NRXN3: variants seen among roughly 807,000 people sequenced by gnomAD.
NRXN3 encodes the protein neurexin 3.
In NRXN3, 32 loss-of-function variants were observed where a neutral mutation model predicts 137.6. The observed-to-expected ratio is 0.23, with a 90% CI of 0.18 to 0.31. The LOEUF (loss-of-function observed/expected upper bound fraction) is 0.31. NRXN3 is among the 10% of genes least tolerant of loss of function. The pLI is 1.00. For missense variants in NRXN3, 1,574 were observed against 2,062.5 expected (o/e 0.76, Z 4.59); for synonymous variants, 798 against 784.5 (o/e 1.02, Z -0.29).
chr14:79,034,026 C>G (rs573878913), intron 15 of NRXN3, among the ~76,000 whole-genome samples: 1 of 152,236 alleles, frequency 6.6e-6, no homozygotes, highest in African/African-American at 2.4e-5. Context: ...CCAAATTTCA[C>G]TGGTTATGTG....
At chr14:78,844,307 C>A (rs2099020664) in intron 10 of NRXN3, among the ~76,000 whole-genome samples, 1 of 152,116 alleles carries the variant, frequency 6.6e-6, no homozygotes, top group Admixed American at 6.6e-5. Context: ...TTAATTTAAT[C>A]ATGCCTTTTG....
intron 11 of NRXN3, among the ~76,000 whole-genome samples, chr14:78,963,000 A>G (rs914874815): frequency 6.6e-6 from 1 of 152,008 alleles, no homozygotes; most frequent in African/African-American, 2.4e-5. Flanking sequence ...ATTTGATCTC[A>G]CATGGCCTTC....
chr14:79,804,803 A>G (rs1439348500), intron 19 of NRXN3, among the ~76,000 whole-genome samples: 1 of 152,094 alleles, frequency 6.6e-6, no homozygotes, highest in East Asian at 1.9e-4. Flanking sequence ...CTAAAACTCA[A>G]AACCAGAATG....
In NRXN3 at chr14:78,747,764, G is replaced by A. The variant is rs189900246; in HGVS notation, c.2044+32625G>A. On this transcript the variant is annotated intron_variant, in intron 8 of 20. Transcript: ENST00000335750. ...CCTAAAACACTCTTCTCACACAATC[G>A]GCCTCTCTTAACTAACTTGTAGACA... Among the ~76,000 whole-genome samples, 193 of 152,036 alleles carry A rather than the reference G, an allele frequency of 1.3e-3. 1 individual carries two copies. The highest frequency in any genetic ancestry group is 1.5e-3 in the Non-Finnish European group (102 of 67,978).
In NRXN3 at chr14:79,519,076, C is replaced by T. The variant is rs149320774; in HGVS notation, c.3444+51674C>T. On this transcript the variant is annotated intron_variant, in intron 16 of 20. Coordinates refer to ENST00000335750, the MANE Select transcript of NRXN3 (RefSeq NM_001330195.2). ...TCGTGCTTTCTTTTTCTAAGGGTGGCTCAGGTGACAGACAACTTCCTCCAT... is the reference window on the plus strand; with the variant it reads ...TCGTGCTTTCTTTTTCTAAGGGTGGTTCAGGTGACAGACAACTTCCTCCAT... 4.2e-3 allele frequency among the ~76,000 whole-genome samples: 638 copies of T among 152,172 alleles called. 2 individuals are homozygous for T. The highest frequency in any genetic ancestry group is 0.015 in the African/African-American group (617 of 41,544).
chr14:79,556,561 A>G (rs951528913), intron 16 of NRXN3, among the ~76,000 whole-genome samples: 1 of 151,712 alleles, frequency 6.6e-6, no homozygotes, highest in African/African-American at 2.4e-5. Flanking sequence ...TGTTTGTTCT[A>G]TTTATTTTTT....
chr14:78,412,699 C>T (rs920192542), intron 4 of NRXN3, among the ~76,000 whole-genome samples: 3 of 152,240 alleles, frequency 2.0e-5, no homozygotes, highest in South Asian at 2.1e-4. Flanking sequence ...AGCTCTTAAC[C>T]GCTGCTCACC....
At chr14:78,633,114 G>A (rs1417032461) in intron 4 of NRXN3, among the ~76,000 whole-genome samples, 5 of 151,576 alleles carry the variant, frequency 3.3e-5, no homozygotes, top group Admixed American at 2.6e-4. Context: ...AATTAGCCTG[G>A]TGTGGTGGCG....
chr14:79,386,799 T>G (rs1007705110), intron 15 of NRXN3, among the ~76,000 whole-genome samples: 1 of 151,962 alleles, frequency 6.6e-6, no homozygotes, highest in African/African-American at 2.4e-5. Context: ...ATAATGCCGC[T>G]TATCTACAAC....
chr14:79,848,425 T>C (rs1002165711), intron 20 of NRXN3, among the ~76,000 whole-genome samples: 1 of 152,162 alleles, frequency 6.6e-6, no homozygotes, highest in Non-Finnish European at 1.5e-5. Context: ...ATTTGTAAAC[T>C]TTCTTAAAAC....
At chr14:78,402,225 G>T (rs935942431) in intron 4 of NRXN3, among the ~76,000 whole-genome samples, 1 of 152,216 alleles carries the variant, frequency 6.6e-6, no homozygotes, top group African/African-American at 2.4e-5. Flanking sequence ...TTGAAGAAAA[G>T]ATCCACATGC....
At chr14:78,516,992 T>C (rs1243894919) in intron 4 of NRXN3, among the ~76,000 whole-genome samples, 6 of 152,198 alleles carry the variant, frequency 3.9e-5, no homozygotes, top group Non-Finnish European at 5.9e-5. Flanking sequence ...TATATTATGT[T>C]GAATCCATCT....
At chr14:79,437,763 T>C (rs772184182) in intron 15 of NRXN3, among the ~76,000 whole-genome samples, 1 of 152,170 alleles carries the variant, frequency 6.6e-6, no homozygotes, top group Non-Finnish European at 1.5e-5. Flanking sequence ...GAGCTGAAAG[T>C]TGGGAGCACT....
rs538466613 is a variant in NRXN3, at chr14:78,982,327, C to A, written c.3143-5695C>A. Among the ~76,000 whole-genome samples, 8 of 152,016 alleles carry A rather than the reference C, an allele frequency of 5.3e-5. No individual in the cohort carries two copies. The South Asian group carries it at 1.5e-3, about 28-fold the overall frequency. On this transcript the variant is annotated intron_variant, in intron 14 of 20. Transcript: ENST00000335750. Reference sequence around the variant, plus strand: ...CCTCACGCTATACCAAATACAATATCAGAAATTAGAGATGTAAAGGTGACC... The same window carrying A: ...CCTCACGCTATACCAAATACAATATAAGAAATTAGAGATGTAAAGGTGACC...
chr14:79,581,483 T>C (rs1439948696), intron 16 of NRXN3, among the ~76,000 whole-genome samples: 2 of 152,202 alleles, frequency 1.3e-5, no homozygotes, highest in Non-Finnish European at 2.9e-5. Context: ...CCAGTACTCC[T>C]TCTTTCAAAA....
chr14:78,397,996 C>T (rs2091661840), intron 4 of NRXN3, among the ~76,000 whole-genome samples: 1 of 150,884 alleles, frequency 6.6e-6, no homozygotes, highest in African/African-American at 2.4e-5. Flanking sequence ...GGGCAGATCA[C>T]CTGAGGTCAG....
At chr14:78,389,426 C>T (rs1255504491) in intron 4 of NRXN3, among the ~76,000 whole-genome samples, 2 of 152,182 alleles carry the variant, frequency 1.3e-5, no homozygotes, top group East Asian at 3.9e-4. Context: ...AACTTACCTG[C>T]AGAGCGTGAA....
intron 19 of NRXN3, among the ~76,000 whole-genome samples, chr14:79,753,924 T>G (rs2099008319): frequency 6.6e-6 from 1 of 151,866 alleles, no homozygotes; most frequent in African/African-American, 2.4e-5. Flanking sequence ...AAAATACAAA[T>G]TTTAAAACAC....
intron 15 of NRXN3, among the ~76,000 whole-genome samples, chr14:79,450,056 C>T (rs1483322083): frequency 1.4e-5 from 2 of 144,508 alleles, no homozygotes; most frequent in Non-Finnish European, 3.0e-5. Context: ...GCATGCATTT[C>T]TTGTCATGTA....
Sources: allele counts gnomAD v4.1 joint callset (sites outside exome capture counted in the v4.1 genomes callset), GRCh38; gene constraint gnomAD v4.1.1; transcripts MANE v1.5; gene names NCBI Gene and HGNC (gene_info 2026-07-23, HGNC 2026-07-21).